Variants in GALNT18 observed in about 807,000 individuals in gnomAD.
GALNT18 encodes the protein polypeptide N-acetylgalactosaminyltransferase 18.
In GALNT18, 44 loss-of-function variants were observed where a neutral mutation model predicts 69.5. That is an observed-to-expected ratio of 0.63 (90% CI 0.50 to 0.81). The LOEUF (loss-of-function observed/expected upper bound fraction) is 0.81, where lower values mean the gene tolerates loss of function less well. Among genes scored for constraint, GALNT18 ranks in the 40% least tolerant of loss-of-function variants. The pLI is 0.00. For synonymous variants in GALNT18, 364 were observed against 318.2 expected, an observed-to-expected ratio of 1.14 and a Z score of -1.53; for missense variants, 715 against 810.0, an observed-to-expected ratio of 0.88 and a Z score of 1.42.
chr11:11,375,994 C>T (rs565007362), intron 5 of GALNT18, among the ~76,000 whole-genome samples: 33 of 152,290 alleles, frequency 2.2e-4, no homozygotes, highest in African/African-American at 7.0e-4. Context: ...TCTTGCACTC[C>T]AAAAACTGTA....
intron 1 of GALNT18, among the ~76,000 whole-genome samples, chr11:11,559,092 G>A (rs1231126556): frequency 6.6e-6 from 1 of 152,218 alleles, no homozygotes; most frequent in Non-Finnish European, 1.5e-5. Context: ...TGTTAAGAGG[G>A]AAGTAGATTA....
At chr11:11,282,642 G>C (rs1310054609) in intron 10 of GALNT18, among the ~76,000 whole-genome samples, 1 of 152,144 alleles carries the variant, frequency 6.6e-6, no homozygotes, top group Non-Finnish European at 1.5e-5. Context: ...TGAGGGAGCT[G>C]GTGGTGCCCC....
At chr11:11,499,645 G>A (rs35637481) in intron 1 of GALNT18, among the ~76,000 whole-genome samples, 1,888 of 152,270 alleles carry the variant, frequency 0.012, 26 homozygotes, top group South Asian at 0.03. Flanking sequence ...TGACCTCCAG[G>A]AACCCCAGGC....
At chr11:11,279,255 T>G (rs1849015010) in intron 10 of GALNT18, among the ~76,000 whole-genome samples, 1 of 152,178 alleles carries the variant, frequency 6.6e-6, no homozygotes, top group Non-Finnish European at 1.5e-5. Flanking sequence ...ATGAGCCAAT[T>G]ATACCTCTTT....
intron 6 of GALNT18, chr11:11,352,735 T>C (rs1437081847): frequency 1.4e-5 from 23 of 1,614,022 alleles, no homozygotes; most frequent in Non-Finnish European, 1.8e-5. Context: ...TCATAGTCTG[T>C]TAACGTCTGG....
At chr11:11,576,497 A>G (rs948699614) in intron 1 of GALNT18, among the ~76,000 whole-genome samples, 1 of 152,258 alleles carries the variant, frequency 6.6e-6, no homozygotes, top group Non-Finnish European at 1.5e-5. Flanking sequence ...TTCACCTACA[A>G]CATGCAGGCA....
In GALNT18 at chr11:11,596,584, C is replaced by A. The variant is rs2133938337; in HGVS notation, c.235+24775G>T. ...AGAGTATGAGTTTCTGCACTTTTTT[C>A]TTAATTTCTTCCTAAGCATTTTATT... is the stretch of plus-strand genomic sequence containing the variant. On this transcript the variant is annotated intron_variant, in intron 1 of 10. Transcript: ENST00000227756. The surrounding 1 kb of genome is among the most constrained non-coding windows in gnomAD (Gnocchi z 4.2). Among the ~76,000 whole-genome samples, 1 of 152,148 alleles carries A rather than the reference C, an allele frequency of 6.6e-6. No homozygotes were observed. The highest frequency in any genetic ancestry group is 1.5e-5 in the Non-Finnish European group (1 of 67,948).
intron 3 of GALNT18, among the ~76,000 whole-genome samples, chr11:11,397,844 T>C (rs1175540360): frequency 6.6e-6 from 1 of 152,172 alleles, no homozygotes; most frequent in Non-Finnish European, 1.5e-5. Context: ...TTGATTGGGC[T>C]CTGTTAGAAC....
At chr11:11,544,327 T>C (rs1210183574) in intron 1 of GALNT18, among the ~76,000 whole-genome samples, 1 of 152,228 alleles carries the variant, frequency 6.6e-6, no homozygotes, top group Non-Finnish European at 1.5e-5. Context: ...GCCATCCCTA[T>C]TATTAATAAT....
chr11:11,448,006 A>C (rs1381838950), intron 2 of GALNT18, among the ~76,000 whole-genome samples: 1 of 152,196 alleles, frequency 6.6e-6, no homozygotes, highest in Non-Finnish European at 1.5e-5. Context: ...CTGAGCCACA[A>C]ATAACCATAC....
intron 1 of GALNT18, among the ~76,000 whole-genome samples, chr11:11,524,133 G>A (rs1440694565): frequency 6.6e-6 from 1 of 152,102 alleles, no homozygotes; most frequent in African/African-American, 2.4e-5. Flanking sequence ...CACTTATCTA[G>A]TAGAAGCCTG....
rs1366089327 is a variant in GALNT18 at position 11,618,673 on chromosome 11, G to T, written c.235+2686C>A. On this transcript the variant is annotated intron_variant, in intron 1 of 10. Transcript: ENST00000227756. This position sits in a 1 kb window ranked among gnomAD's most constrained non-coding sequence, Gnocchi z 6.1. ...TATCATATACCAGTGTGTGACCCTG[G>T]ACAAATCATATACCCTCTCCCTGCC... Among the ~76,000 whole-genome samples the T allele has an allele frequency of 6.6e-6, 1 of 152,112 alleles. No individual in the cohort carries two copies. The highest frequency in any genetic ancestry group is 1.5e-5 in the Non-Finnish European group (1 of 68,038).
chr11:11,448,916 C>T lies in GALNT18; in HGVS notation c.256G>A (p.Glu86Lys), dbSNP rs2133820032. ...HIQEAPAKPE[E>K]AEAEPFTDSS... ...TCTGTGAAGGGCTCGGCCTCTGCCT[C>T]CTCAGGCTTGGCAGGAGCCTCTGGA... The change falls in exon 2 of 11, where the codon GAG (glutamate) becomes AAG (lysine). Residue 86 changes from glutamate to lysine, a missense_variant. Physicochemically the swap from Glu to Lys is moderately conservative, Grantham distance 56 (BLOSUM62 1). Transcript: ENST00000227756. 1 of 1,595,266 alleles carries T rather than the reference C, an allele frequency of 6.3e-7. No homozygotes were observed. The highest frequency in any genetic ancestry group is 1.3e-5 in the African/African-American group (1 of 74,806).
At chr11:11,559,560 G>A (rs765758795) in intron 1 of GALNT18, among the ~76,000 whole-genome samples, 13 of 152,168 alleles carry the variant, frequency 8.5e-5, no homozygotes, top group Non-Finnish European at 1.5e-4. Context: ...TGATGGGATG[G>A]GATGGGATAG....
Position 11,454,707 on chromosome 11 carries a change from G to A in GALNT18, c.236-5771C>T, listed in dbSNP as rs1206986592. On this transcript the variant is annotated intron_variant, in intron 1 of 10. Coordinates refer to ENST00000227756, the MANE Select transcript of GALNT18 (RefSeq NM_198516.3). This position sits in a 1 kb window ranked among gnomAD's most constrained non-coding sequence, Gnocchi z 4.2. ...CAAACCACAGAACCACAGAGAGCCA[G>A]AGAGTCAGGCCAGGAGTGCTCTTCC... 6.6e-6 allele frequency among the ~76,000 whole-genome samples: 1 copy of A among 152,108 alleles called. No individual in the cohort carries two copies. Among genetic ancestry groups the A allele is most frequent in the East Asian group, 1.9e-4 (1 of 5,170 alleles).
chr11:11,452,304 T>G (rs1350868768), intron 1 of GALNT18, among the ~76,000 whole-genome samples: 1 of 152,230 alleles, frequency 6.6e-6, no homozygotes, highest in Non-Finnish European at 1.5e-5. Flanking sequence ...AGCCTCAGTT[T>G]CCTCTTCTGG....
chr11:11,359,339 T>C (rs1850594906), intron 6 of GALNT18, among the ~76,000 whole-genome samples: 1 of 140,856 alleles, frequency 7.1e-6, no homozygotes, highest in Non-Finnish European at 1.6e-5. Context: ...CTGCCTTCAC[T>C]GGTAATTTTA....
intron 1 of GALNT18, among the ~76,000 whole-genome samples, chr11:11,607,943 CA>C (rs1661490875): frequency 6.6e-6 from 1 of 152,202 alleles, no homozygotes; most frequent in African/African-American, 2.4e-5. Flanking sequence ...TTTTACAAAA[CA>C]AATCTGTAAA....
intron 1 of GALNT18, among the ~76,000 whole-genome samples, chr11:11,575,014 C>A (rs1191245092): frequency 3.3e-5 from 5 of 152,144 alleles, no homozygotes; most frequent in African/African-American, 1.2e-4. Flanking sequence ...CTAGCATGTG[C>A]CTGGCTGAGT....
Sources: gnomAD v4.1 joint callset for allele counts (sites outside exome capture counted in the v4.1 genomes callset) on GRCh38, gnomAD v4.1.1 for gene constraint, Gnocchi (gnomAD v3.1) non-coding constraint, MANE v1.5 for transcripts, NCBI Gene and HGNC (gene_info 2026-07-23, HGNC 2026-07-21) for gene names.